Variants in GSK3B observed in about 807,000 individuals in gnomAD.
The protein encoded by GSK3B is glycogen synthase kinase-3 beta.
In GSK3B, 15 loss-of-function variants were observed where a neutral mutation model predicts 56.4. The ratio of observed to expected loss-of-function variants is 0.27; its 90% CI spans 0.18 to 0.41. The LOEUF (loss-of-function observed/expected upper bound fraction) is 0.41. GSK3B is among the 10% of genes least tolerant of loss of function. The probability of loss-of-function intolerance (pLI) is 1.00; values close to 1 mark genes in which losing one functional copy is unlikely to be tolerated. For missense variants in GSK3B, 300 were observed against 513.4 expected, an observed-to-expected ratio of 0.58 and a Z score of 4.02; for synonymous variants, 181 against 188.9, an observed-to-expected ratio of 0.96 and a Z score of 0.34.
At chr3:120,074,487 G>A (rs2107568207) in intron 1 of GSK3B, among the ~76,000 whole-genome samples, 1 of 151,848 alleles carries the variant, frequency 6.6e-6, no homozygotes, top group East Asian at 2.0e-4. Flanking sequence ...GAGTGGCTGG[G>A]ATTACAGGTG....
At chr3:120,012,792 G>C (rs1487244498) in intron 1 of GSK3B, among the ~76,000 whole-genome samples, 1 of 152,106 alleles carries the variant, frequency 6.6e-6, no homozygotes. Flanking sequence ...TCCTGCCTCA[G>C]CTTCCCAAGT....
rs2055773780 is a variant in GSK3B at position 119,841,658 on chromosome 3, T to C, written c.1195+1597A>G. Among the ~76,000 whole-genome samples, 4 of 152,068 alleles carry C rather than the reference T, an allele frequency of 2.6e-5. No homozygotes were observed. In the South Asian group the frequency reaches 8.3e-4, roughly 32 times the overall value. On this transcript the variant is annotated intron_variant, in intron 10 of 10. Coordinates refer to ENST00000264235, the MANE Select transcript of GSK3B (RefSeq NM_001146156.2). ...AATGCTGTCCTAAAGTACAGACAAA[T>C]AAAGACAAGTAAAGACAAATGTTGT...
At chr3:120,073,807 G>A (rs1447466135) in intron 1 of GSK3B, among the ~76,000 whole-genome samples, 1 of 152,134 alleles carries the variant, frequency 6.6e-6, no homozygotes, top group Non-Finnish European at 1.5e-5. Context: ...ATTTGCCTTA[G>A]AAGACTGTGA....
Position 119,824,821 on chromosome 3 carries a change from G to C in GSK3B, c.*1967C>G, listed in dbSNP as rs2055476028. 1 of 184,298 alleles carries C rather than the reference G, an allele frequency of 5.4e-6. No homozygotes were observed. The highest frequency in any genetic ancestry group is 1.2e-5 in the Non-Finnish European group (1 of 86,904). 11.4% of individuals were successfully genotyped at this position (184,298 alleles called of 1,614,324 possible). A position where few individuals can be genotyped will look rare whatever the true frequency, so the allele number is the denominator to read the frequency against. ...CAGCTAAACAGCGAGTGAAAACCAA[G>C]ATGGCTCACAGTTGTCTTTCTGGGT... On this transcript the variant is annotated 3_prime_UTR_variant, in exon 11 of 11. Coordinates refer to ENST00000264235, the MANE Select transcript of GSK3B (RefSeq NM_001146156.2).
chr3:119,881,900 T>A (rs1319157869), intron 7 of GSK3B, among the ~76,000 whole-genome samples: 2 of 152,172 alleles, frequency 1.3e-5, no homozygotes, highest in Admixed American at 6.6e-5. Flanking sequence ...AAGGGGAGTT[T>A]CCCTGCACAA....
At chr3:119,842,558 T>C (rs886201735) in intron 10 of GSK3B, among the ~76,000 whole-genome samples, 5 of 152,198 alleles carry the variant, frequency 3.3e-5, no homozygotes, top group Non-Finnish European at 5.9e-5. Context: ...TTTTCAGCTA[T>C]AAACATCTCA....
At position 120,000,813 on chromosome 3, in the gene GSK3B, G is replaced by A. The variant is rs1412449998; in HGVS notation, c.282+1233C>T. ...AGGCAGAAGGACAAGAAAAAAAAGG[G>A]AAGATAGCAAAAAAAAAAAAAAAAA... On this transcript the variant is annotated intron_variant, in intron 2 of 10. Coordinates refer to ENST00000264235, the MANE Select transcript of GSK3B (RefSeq NM_001146156.2). Among the ~76,000 whole-genome samples the A allele has an allele frequency of 5.7e-5, 7 of 121,900 alleles. No homozygotes were observed. The South Asian group carries it at 2.0e-3, about 34-fold the overall frequency. 80.0% of individuals were successfully genotyped at this position (121,900 alleles called of 152,430 possible).
chr3:119,996,943 T>C (rs2057624102), intron 2 of GSK3B, among the ~76,000 whole-genome samples: 3 of 152,086 alleles, frequency 2.0e-5, no homozygotes, highest in Admixed American at 1.3e-4. Flanking sequence ...CAAACAGGAT[T>C]ATTAGAAAGC....
At chr3:120,058,730 C>T (rs1435923523) in intron 1 of GSK3B, among the ~76,000 whole-genome samples, 1 of 152,102 alleles carries the variant, frequency 6.6e-6, no homozygotes, top group Non-Finnish European at 1.5e-5. Flanking sequence ...AATAATGTGG[C>T]TAGGCATGGT....
chr3:120,026,419 T>C (rs2057924476), intron 1 of GSK3B, among the ~76,000 whole-genome samples: 1 of 151,968 alleles, frequency 6.6e-6, no homozygotes. Context: ...AAAGAGAACC[T>C]GTAAGGATTT....
At chr3:119,955,994 G>A (rs2057210625) in intron 2 of GSK3B, among the ~76,000 whole-genome samples, 1 of 151,910 alleles carries the variant, frequency 6.6e-6, no homozygotes, top group Admixed American at 6.6e-5. Context: ...TAGGAAGATT[G>A]CTATGAAAAA....
chr3:119,827,387 T>C (rs996608363), intron 10 of GSK3B, among the ~76,000 whole-genome samples: 4 of 150,480 alleles, frequency 2.7e-5, no homozygotes, highest in East Asian at 3.9e-4. Context: ...CAGTACCAAT[T>C]CACTTAGTCA....
rs202140622 is a variant in GSK3B at position 119,929,901 on chromosome 3, CA to C, written c.367-6419del. On this transcript the variant is annotated intron_variant, in intron 3 of 10. Transcript: ENST00000264235. Reference sequence around the variant, plus strand: ...GGGCAACAAGAGCGAAACTCTGCCTCAAAAAAAAAAAAAAAAAATAATAATA... The same window carrying C: ...GGGCAACAAGAGCGAAACTCTGCCTCAAAAAAAAAAAAAAAAATAATAATA... 9.3e-3 allele frequency among the ~76,000 whole-genome samples: 1,293 copies of C among 139,574 alleles called. 16 individuals are homozygous for C. Among genetic ancestry groups the C allele is most frequent in the African/African-American group, 0.024 (915 of 38,912 alleles). The allele number at this position is 139,574 out of a possible 152,430, so 91.6% of individuals were successfully genotyped here. A position where few individuals can be genotyped will look rare whatever the true frequency, so the allele number is the denominator to read the frequency against.
intron 10 of GSK3B, among the ~76,000 whole-genome samples, chr3:119,829,387 A>T (rs1280639808): frequency 1.3e-5 from 2 of 152,198 alleles, no homozygotes; most frequent in African/African-American, 4.8e-5. Context: ...CATTTTCAGT[A>T]TGGGAAGATA....
chr3:119,945,721 T>C (rs1197078723), intron 3 of GSK3B, among the ~76,000 whole-genome samples: 2 of 152,254 alleles, frequency 1.3e-5, no homozygotes, highest in African/African-American at 4.8e-5. Flanking sequence ...AGGAATGCTA[T>C]ATACATTAAA....
At chr3:119,991,321 T>C (rs1028189111) in intron 2 of GSK3B, among the ~76,000 whole-genome samples, 2 of 152,102 alleles carry the variant, frequency 1.3e-5, no homozygotes. Flanking sequence ...ATAGTTTAAG[T>C]ACTCTGTCAC....
intron 7 of GSK3B, among the ~76,000 whole-genome samples, chr3:119,885,114 G>A (rs551380464): frequency 6.6e-6 from 1 of 151,944 alleles, no homozygotes; most frequent in African/African-American, 2.4e-5. Flanking sequence ...CCTGCCAAAA[G>A]GTTCCTGGAA....
chr3:120,049,795 C>T (rs1037809067), intron 1 of GSK3B, among the ~76,000 whole-genome samples: 1 of 151,982 alleles, frequency 6.6e-6, no homozygotes, highest in Non-Finnish European at 1.5e-5. Context: ...GTAAAAGGCC[C>T]GACAGTAAAC....
chr3:119,826,583 A>C lies in GSK3B; in HGVS notation c.*205T>G. The C allele has an allele frequency of 1.8e-6, 1 of 548,024 alleles. No individual in the cohort carries two copies. Among genetic ancestry groups the C allele is most frequent in the Non-Finnish European group, 3.5e-6 (1 of 288,808 alleles). The allele number at this position is 548,024 out of a possible 1,614,324, so 33.9% of individuals were successfully genotyped here. ...CCCTCCCACCCCCTGGATCTCCCTC[A>C]AAGTGAGAATACAATGAAATTGGTT... On this transcript the variant is annotated 3_prime_UTR_variant, in exon 11 of 11. Coordinates refer to ENST00000264235, the MANE Select transcript of GSK3B (RefSeq NM_001146156.2).
Sources: allele counts gnomAD v4.1 joint callset (sites outside exome capture counted in the v4.1 genomes callset), GRCh38; gene constraint gnomAD v4.1.1; transcripts MANE v1.5; gene names NCBI Gene and HGNC (gene_info 2026-07-23, HGNC 2026-07-21).